Variants in PPP1R1C observed in about 807,000 individuals in gnomAD.
PPP1R1C encodes protein phosphatase 1 regulatory subunit 1C.
Under a neutral mutation model 17.4 loss-of-function variants are expected in PPP1R1C, and 15 were observed. That is an observed-to-expected ratio of 0.86 (90% CI 0.58 to 1.33). The LOEUF (loss-of-function observed/expected upper bound fraction) is 1.33, where lower values mean the gene tolerates loss of function less well. Ranked by LOEUF, PPP1R1C falls within the 40% of genes most tolerant of loss-of-function variation. The pLI, the probability that PPP1R1C is intolerant of heterozygous loss-of-function variation, is 0.00. For missense variants in PPP1R1C, 143 were observed against 130.0 expected (o/e 1.10, Z -0.48); for synonymous variants, 35 against 43.1 (o/e 0.81, Z 0.73).
At chr2:182,086,015 A>G (rs1688617917) in intron 4 of PPP1R1C, among the ~76,000 whole-genome samples, 1 of 152,214 alleles carries the variant, frequency 6.6e-6, no homozygotes, top group Non-Finnish European at 1.5e-5. Flanking sequence ...TTAGATCTGG[A>G]AATATAAATA....
intron 2 of PPP1R1C, among the ~76,000 whole-genome samples, chr2:182,027,614 A>C (rs1231037557): frequency 2.4e-5 from 3 of 123,786 alleles, no homozygotes; most frequent in African/African-American, 9.7e-5. Context: ...TCGGTTTGCC[A>C]GTATTTTATT....
Position 181,961,798 on chromosome 2 carries a change from A to G in PPP1R1C, n.111+7164A>G, listed in dbSNP as rs1452304356. On this transcript the variant is annotated intron_variant and non_coding_transcript_variant, in intron 1 of 5. Transcript: ENST00000464264. The surrounding 1 kb of genome is among the most constrained non-coding windows in gnomAD (Gnocchi z 5.8). ...CTCCACGGTCAACTCAGAGCTGGCA[A>G]TCTGGGCTTGTAGGCCTTTTACTTC... 14 of 1,319,968 alleles carry G rather than the reference A, an allele frequency of 1.1e-5. No individual in the cohort carries two copies. Among genetic ancestry groups the G allele is most frequent in the South Asian group, 7.0e-5 (6 of 85,364 alleles). 81.8% of individuals were successfully genotyped at this position (1,319,968 alleles called of 1,614,324 possible).
intron 2 of PPP1R1C, among the ~76,000 whole-genome samples, chr2:182,057,085 G>A (rs895520842): frequency 6.6e-6 from 1 of 152,178 alleles, no homozygotes; most frequent in East Asian, 1.9e-4. Flanking sequence ...ATGCAGAGAA[G>A]CAGCAAACAG....
chr2:182,019,786 A>G (rs192882939), intron 2 of PPP1R1C, among the ~76,000 whole-genome samples: 180 of 152,324 alleles, frequency 1.2e-3, no homozygotes, highest in African/African-American at 4.2e-3. Context: ...TTCATAAGAC[A>G]GCATTGAAAT....
rs565096245 is a variant in PPP1R1C at position 181,974,444 on chromosome 2, A to G, written n.112-775A>G. On this transcript the variant is annotated intron_variant and non_coding_transcript_variant, in intron 1 of 5. Coordinates refer to the PPP1R1C transcript ENST00000464264. Reference sequence around the variant, plus strand: ...ATGAAAGTATCTTAACTGCACTTTAATATTATCACAGAATATATATATTCT... The same window carrying G: ...ATGAAAGTATCTTAACTGCACTTTAGTATTATCACAGAATATATATATTCT... Among the ~76,000 whole-genome samples the G allele has an allele frequency of 2.0e-4, 31 of 152,318 alleles. 1 individual carries two copies. The highest frequency in any genetic ancestry group is 6.8e-3 in the Middle Eastern group (2 of 294).
At chr2:182,101,404 C>T (rs1175719244) in intron 4 of PPP1R1C, among the ~76,000 whole-genome samples, 1 of 152,180 alleles carries the variant, frequency 6.6e-6, no homozygotes, top group Non-Finnish European at 1.5e-5. Flanking sequence ...ATAAGAGAAT[C>T]TTTCTCAAGA....
intron 1 of PPP1R1C, among the ~76,000 whole-genome samples, chr2:181,958,206 A>G (rs1047888350): frequency 2.0e-5 from 3 of 152,188 alleles, no homozygotes; most frequent in African/African-American, 7.2e-5. Context: ...GACTAATTTC[A>G]GGTCAACTCC....
chr2:182,099,596 A>G (rs1311532860), intron 4 of PPP1R1C, among the ~76,000 whole-genome samples: 3 of 152,238 alleles, frequency 2.0e-5, no homozygotes, highest in African/African-American at 7.2e-5. Flanking sequence ...TTATAGAATC[A>G]TGGATCCTGG....
At chr2:182,126,133 A>G (rs1017604954) in intron 5 of PPP1R1C, among the ~76,000 whole-genome samples, 1 of 152,112 alleles carries the variant, frequency 6.6e-6, no homozygotes, top group African/African-American at 2.4e-5. Context: ...ATATAGATTT[A>G]TGCATTCATA....
chr2:182,075,606 A>T (rs1434791570), intron 4 of PPP1R1C, among the ~76,000 whole-genome samples: 1 of 152,240 alleles, frequency 6.6e-6, no homozygotes, highest in Non-Finnish European at 1.5e-5. Context: ...TGCGTAGGAC[A>T]AAGATGATCA....
At chr2:182,020,035 A>G (rs1686371351) in intron 2 of PPP1R1C, among the ~76,000 whole-genome samples, 1 of 152,220 alleles carries the variant, frequency 6.6e-6, no homozygotes, top group Admixed American at 6.5e-5. Context: ...TAAACCAGTT[A>G]ACTATTTGTC....
At chr2:182,000,255 C>T (rs1169362228) in intron 2 of PPP1R1C, among the ~76,000 whole-genome samples, 1 of 152,164 alleles carries the variant, frequency 6.6e-6, no homozygotes, top group Non-Finnish European at 1.5e-5. Flanking sequence ...ATCTCAAACC[C>T]ACCTCCCTGA....
intron 2 of PPP1R1C, among the ~76,000 whole-genome samples, chr2:182,054,475 C>T (rs1210931261): frequency 1.3e-5 from 2 of 152,134 alleles, no homozygotes; most frequent in Non-Finnish European, 2.9e-5. Flanking sequence ...TGATCCCTGG[C>T]AACTACTAAT....
downstream of PPP1R1C, among the ~76,000 whole-genome samples, chr2:182,121,791 C>T (rs778815345): frequency 1.3e-5 from 2 of 152,314 alleles, no homozygotes; most frequent in African/African-American, 2.4e-5. Context: ...CGTGAGCCCC[C>T]GTTCCCGGCC....
At chr2:182,119,858 C>G (rs1261201379), downstream of PPP1R1C, among the ~76,000 whole-genome samples, 1 of 152,102 alleles carries the variant, frequency 6.6e-6, no homozygotes, top group African/African-American at 2.4e-5. Context: ...TTGTAGGTTG[C>G]CTGTTCACTC....
intron 4 of PPP1R1C, among the ~76,000 whole-genome samples, chr2:182,108,545 CT>C (rs1366744165): frequency 2.0e-5 from 3 of 152,182 alleles, no homozygotes; most frequent in Non-Finnish European, 4.4e-5. Flanking sequence ...CCAGAATTCT[CT>C]TCTGAATTTC....
chr2:181,982,700 G>A (rs987404673), upstream of PPP1R1C, among the ~76,000 whole-genome samples: 4 of 152,122 alleles, frequency 2.6e-5, no homozygotes, highest in African/African-American at 4.8e-5. Flanking sequence ...AGGGAGGTAG[G>A]GGAGGCCACA....
chr2:182,124,664 G>A (rs1384349104), intron 5 of PPP1R1C, among the ~76,000 whole-genome samples: 1 of 152,048 alleles, frequency 6.6e-6, no homozygotes, highest in Non-Finnish European at 1.5e-5. Flanking sequence ...TAGCAATTGT[G>A]AATGGGTGTT....
intron 1 of PPP1R1C, among the ~76,000 whole-genome samples, chr2:181,974,047 A>G (rs1685056330): frequency 6.6e-6 from 1 of 151,960 alleles, no homozygotes. Context: ...TTTTACCAAG[A>G]TTGAGAGATA....
Sources: gnomAD v4.1 joint callset for allele counts (sites outside exome capture counted in the v4.1 genomes callset) on GRCh38, gnomAD v4.1.1 for gene constraint, Gnocchi (gnomAD v3.1) non-coding constraint, MANE v1.5 for transcripts, NCBI Gene and HGNC (gene_info 2026-07-23, HGNC 2026-07-21) for gene names.